The following DOCK3 variants were observed in gnomAD, a reference collection of about 807,000 sequenced individuals.
DOCK3 encodes the protein dedicator of cytokinesis protein 3.
A neutral mutation model predicts 265.6 loss-of-function variants in DOCK3; 60 were observed. The ratio of observed to expected loss-of-function variants is 0.23; its 90% CI spans 0.18 to 0.28. The LOEUF is 0.28. Ranked by LOEUF, DOCK3 falls within the 10% of genes least tolerant of loss-of-function variation. The pLI, the probability that DOCK3 is intolerant of heterozygous loss-of-function variation, is 1.00. For synonymous variants in DOCK3, 881 were observed against 938.0 expected (o/e 0.94, Z 1.11); for missense variants, 1,981 against 2,594.3 (o/e 0.76, Z 5.14).
At chr3:50,945,754 G>C (rs1314846427) in intron 5 of DOCK3, among the ~76,000 whole-genome samples, 1 of 152,140 alleles carries the variant, frequency 6.6e-6, no homozygotes, top group African/African-American at 2.4e-5. Flanking sequence ...TTCAGATTAT[G>C]TATAAGAGGA....
At chr3:50,742,191 T>A (rs2039088390) in intron 1 of DOCK3, among the ~76,000 whole-genome samples, 1 of 152,074 alleles carries the variant, frequency 6.6e-6, no homozygotes, top group Admixed American at 6.6e-5. Flanking sequence ...CAAAAACCGA[T>A]CTGTACATCA....
At chr3:51,304,421 G>A (rs553775026) in intron 27 of DOCK3, among the ~76,000 whole-genome samples, 7 of 151,516 alleles carry the variant, frequency 4.6e-5, no homozygotes, top group African/African-American at 9.7e-5. Flanking sequence ...CTCCCCTCCC[G>A]CTCAGGATGA....
chr3:51,118,216 C>G lies in DOCK3; in HGVS notation c.746+27832C>G, dbSNP rs141492604. 7.7e-3 allele frequency among the ~76,000 whole-genome samples: 1,174 copies of G among 152,238 alleles called. 18 individuals carry two copies. Among genetic ancestry groups the G allele is most frequent in the African/African-American group, 0.027 (1,129 of 41,526 alleles). On this transcript the variant is annotated intron_variant, in intron 9 of 52. Transcript: ENST00000266037. Reference sequence around the variant, plus strand: ...ATTTCTACCTTAATTTCATTATTTACCCAGTAGTCATTCAGGAGCAGGTTG... The same window carrying G: ...ATTTCTACCTTAATTTCATTATTTAGCCAGTAGTCATTCAGGAGCAGGTTG...
intron 27 of DOCK3, among the ~76,000 whole-genome samples, chr3:51,282,815 A>G (rs1408738687): frequency 6.6e-6 from 1 of 152,188 alleles, no homozygotes; most frequent in Non-Finnish European, 1.5e-5. Flanking sequence ...AGGACAGAAC[A>G]TTTACCTACT....
chr3:50,811,120 A>G (rs1335716810), intron 2 of DOCK3, among the ~76,000 whole-genome samples: 1 of 152,188 alleles, frequency 6.6e-6, no homozygotes, highest in Non-Finnish European at 1.5e-5. Flanking sequence ...AGGACCAGGT[A>G]TGGTGGCTCA....
At chr3:51,341,492 G>A (rs982726782) in intron 38 of DOCK3, 107 bp downstream of exon 38, 67 of 1,496,508 alleles carry the variant, frequency 4.5e-5, no homozygotes, top group African/African-American at 6.9e-5. Flanking sequence ...GTGTGGGGTG[G>A]TGAGTGGGTG....
At chr3:51,282,352 A>G (rs2081170340) in intron 27 of DOCK3, among the ~76,000 whole-genome samples, 1 of 148,842 alleles carries the variant, frequency 6.7e-6, no homozygotes, top group Non-Finnish European at 1.5e-5. Context: ...TTAATAATTT[A>G]AGATTTCCAA....
chr3:51,086,762 C>T (rs574339890), intron 7 of DOCK3, among the ~76,000 whole-genome samples: 2 of 152,302 alleles, frequency 1.3e-5, no homozygotes, highest in African/African-American at 4.8e-5. Context: ...TCTGCCACTG[C>T]ACTCCAGCCT....
intron 35 of DOCK3, among the ~76,000 whole-genome samples, chr3:51,335,855 G>A (rs1370764845): frequency 6.6e-6 from 1 of 152,068 alleles, no homozygotes; most frequent in African/African-American, 2.4e-5. Context: ...AGCCAGGCAT[G>A]GTGACATGCA....
At chr3:51,021,574 A>G (rs1364878487) in intron 5 of DOCK3, among the ~76,000 whole-genome samples, 2 of 151,986 alleles carry the variant, frequency 1.3e-5, no homozygotes, top group African/African-American at 4.8e-5. Flanking sequence ...TGAGCATTTC[A>G]GCCCATTTAC....
chr3:51,134,890 G>A (rs574417863), intron 9 of DOCK3, among the ~76,000 whole-genome samples: 6 of 152,284 alleles, frequency 3.9e-5, no homozygotes, highest in African/African-American at 1.4e-4. Context: ...TCTCAAGCCA[G>A]GAACTTTGCC....
At chr3:51,272,746 G>A (rs1181344218) in intron 24 of DOCK3, among the ~76,000 whole-genome samples, 1 of 151,798 alleles carries the variant, frequency 6.6e-6, no homozygotes, top group African/African-American at 2.4e-5. Flanking sequence ...TTTCCACCAG[G>A]AACTGTTTAT....
intron 21 of DOCK3, among the ~76,000 whole-genome samples, chr3:51,239,199 T>TTTTTTTTATTTATTTATTTATTTA (rs1553805828): frequency 1.4e-5 from 2 of 146,616 alleles, no homozygotes; most frequent in Non-Finnish European, 3.0e-5. Flanking sequence ...AAAGCGTACT[T>TTTTTTTTATTTATTTATTTATTTA]TTTATTTATT....
At chr3:50,877,157 C>T in intron 3 of DOCK3, 2 of 281,766 alleles carry the variant, frequency 7.1e-6, no homozygotes, top group Non-Finnish European at 7.1e-6. Context: ...CCTGGGAAAG[C>T]CACCTGGAAA....
At chr3:50,871,200 T>C (rs2047413658) in intron 3 of DOCK3, among the ~76,000 whole-genome samples, 1 of 152,122 alleles carries the variant, frequency 6.6e-6, no homozygotes, top group Non-Finnish European at 1.5e-5. Flanking sequence ...AGGTCTGGTG[T>C]TAATGAAATC....
At chr3:50,887,153 A>T (rs2048387358) in intron 3 of DOCK3, among the ~76,000 whole-genome samples, 1 of 152,126 alleles carries the variant, frequency 6.6e-6, no homozygotes, top group African/African-American at 2.4e-5. Context: ...AGAATCAAAT[A>T]GACGCAATAA....
chr3:51,061,408 T>C (rs1194500397), intron 5 of DOCK3, among the ~76,000 whole-genome samples: 1 of 152,204 alleles, frequency 6.6e-6, no homozygotes, highest in East Asian at 1.9e-4. Flanking sequence ...TCATGTCCTT[T>C]GTAGGGACAT....
intron 21 of DOCK3, among the ~76,000 whole-genome samples, chr3:51,238,440 C>G (rs2078447973): frequency 6.6e-6 from 1 of 151,968 alleles, no homozygotes; most frequent in Non-Finnish European, 1.5e-5. Context: ...CCGCGCCTGG[C>G]TGGGTTTTTT....
At chr3:51,270,361 G>A (rs1404106065) in intron 23 of DOCK3, among the ~76,000 whole-genome samples, 1 of 152,214 alleles carries the variant, frequency 6.6e-6, no homozygotes, top group Non-Finnish European at 1.5e-5. Flanking sequence ...TGGCTGCAGG[G>A]CTGTGAGCAG....
Sources: allele counts gnomAD v4.1 joint callset (sites outside exome capture counted in the v4.1 genomes callset), GRCh38; gene constraint gnomAD v4.1.1; transcripts MANE v1.5; gene names NCBI Gene and HGNC (gene_info 2026-07-23, HGNC 2026-07-21).